The following PDZD2 variants were observed in gnomAD, a reference collection of about 807,000 sequenced individuals.
PDZD2 encodes the protein PDZ domain containing 2, also known as PDZ domain-containing protein 2.
Under a neutral mutation model 220.7 loss-of-function variants are expected in PDZD2, and 90 were observed. The observed-to-expected ratio is 0.41, with a 90% CI of 0.34 to 0.49. PDZD2 has a LOEUF of 0.49. Among genes scored for constraint, PDZD2 ranks in the 20% least tolerant of loss-of-function variants. The pLI is 0.28. For missense variants in PDZD2, 3,174 were observed against 3,608.5 expected, an observed-to-expected ratio of 0.88 and a Z score of 3.08; for synonymous variants, 1,375 against 1,450.5, an observed-to-expected ratio of 0.95 and a Z score of 1.18.
intron 2 of PDZD2, among the ~76,000 whole-genome samples, chr5:31,903,386 C>T (rs1029608207): frequency 2.0e-5 from 3 of 151,566 alleles, no homozygotes; most frequent in African/African-American, 7.3e-5. Flanking sequence ...GTGGCTGACA[C>T]CTATAATCCA....
chr5:31,696,945 C>T (rs1447904203), intron 1 of PDZD2, among the ~76,000 whole-genome samples: 1 of 152,152 alleles, frequency 6.6e-6, no homozygotes, highest in East Asian at 1.9e-4. Context: ...ATTGCAGCCT[C>T]CTTGAATCCC....
intron 1 of PDZD2, among the ~76,000 whole-genome samples, chr5:31,682,860 T>A (rs966673413): frequency 6.6e-6 from 1 of 152,050 alleles, no homozygotes; most frequent in Non-Finnish European, 1.5e-5. Context: ...CCCTTTCCCC[T>A]GACTTTCCAG....
intron 1 of PDZD2, chr5:31,754,464 A>G (rs1359806913): frequency 2.0e-5 from 3 of 152,108 alleles, no homozygotes; most frequent in Admixed American, 6.5e-5. Context: ...TAGGGATTCT[A>G]TTGGAAGAGA....
At chr5:31,668,755 T>C (rs1377706387) in intron 1 of PDZD2, among the ~76,000 whole-genome samples, 9 of 152,244 alleles carry the variant, frequency 5.9e-5, no homozygotes, top group Non-Finnish European at 1.5e-5. Context: ...AATGCTTGGT[T>C]ATTTCCAAAG....
At chr5:31,762,007 G>A (rs1473132666) in intron 1 of PDZD2, among the ~76,000 whole-genome samples, 1 of 152,180 alleles carries the variant, frequency 6.6e-6, no homozygotes, top group South Asian at 2.1e-4. Flanking sequence ...GCTAATGCAG[G>A]AGGAAGGGTG....
chr5:31,702,015 G>A (rs1747631416), intron 1 of PDZD2, among the ~76,000 whole-genome samples: 1 of 152,210 alleles, frequency 6.6e-6, no homozygotes, highest in South Asian at 2.1e-4. Flanking sequence ...GCAGCCACAT[G>A]GCCTGTGTTC....
intron 1 of PDZD2, among the ~76,000 whole-genome samples, chr5:31,669,010 C>T (rs1746106732): frequency 6.6e-6 from 1 of 152,036 alleles, no homozygotes. Flanking sequence ...GGGTTCTCTG[C>T]GATGGGTGAC....
intron 1 of PDZD2, among the ~76,000 whole-genome samples, chr5:31,776,243 A>G (rs919511196): frequency 6.6e-6 from 1 of 152,016 alleles, no homozygotes. Context: ...AGTGGTCACC[A>G]AGACCAGTTA....
intron 7 of PDZD2, among the ~76,000 whole-genome samples, chr5:32,041,193 C>T (rs1285510693): frequency 2.1e-5 from 3 of 141,192 alleles, no homozygotes; most frequent in South Asian, 2.3e-4. Flanking sequence ...CGCCTCTGCC[C>T]GGCCGCCCCG....
Position 32,048,612 on chromosome 5 carries a change from G to T in PDZD2, c.1593G>T (p.Arg531=), listed in dbSNP as rs762033628. The T allele has an allele frequency of 6.2e-7, 1 of 1,614,028 alleles. No individual in the cohort carries two copies. The change falls in exon 8 of 25, where the codon CGG becomes CGT. Residue 531 remains arginine, a synonymous_variant. Transcript: ENST00000438447. ...LMVRNGDPRI[R]MLEVSRDGRK... Reference sequence around the variant, plus strand: ...TGCGGAATGGGGACCCCCGGATCCGGATGTTGGAGGTCTCCCGAGATGGCC... The same window carrying T: ...TGCGGAATGGGGACCCCCGGATCCGTATGTTGGAGGTCTCCCGAGATGGCC...
intron 1 of PDZD2, among the ~76,000 whole-genome samples, chr5:31,774,861 G>T (rs533946512): frequency 6.6e-6 from 1 of 152,292 alleles, no homozygotes; most frequent in East Asian, 1.9e-4. Flanking sequence ...CTTTAAAAAT[G>T]GAAAGGGATC....
chr5:31,982,082 G>A (rs1242861043), intron 2 of PDZD2, among the ~76,000 whole-genome samples: 3 of 152,132 alleles, frequency 2.0e-5, no homozygotes, highest in Non-Finnish European at 4.4e-5. Context: ...TCCTCCGACT[G>A]TTCCTGGTTG....
rs1017091645 is a variant in PDZD2 at position 31,887,676 on chromosome 5, A to G, written c.476+87952A>G. Among the ~76,000 whole-genome samples the G allele has an allele frequency of 3.9e-5, 6 of 152,202 alleles. No homozygotes were observed. In the East Asian group the frequency reaches 5.8e-4, roughly 15 times the overall value. ...CTGATTTTTCTGTAGGAATCTGACA[A>G]AATTTCGCATAGCTGTACAGAGAAC... On this transcript the variant is annotated intron_variant, in intron 2 of 24. Coordinates refer to ENST00000438447, the MANE Select transcript of PDZD2 (RefSeq NM_178140.4).
At chr5:31,978,714 CA>C (rs10632600) in intron 2 of PDZD2, among the ~76,000 whole-genome samples, 30,758 of 127,854 alleles carry the variant, frequency 0.24, 4,454 homozygotes, top group Non-Finnish European at 0.32. Flanking sequence ...GACTCCATCT[CA>C]AAAAAAAAAA....
chr5:32,002,724 C>T (rs1338602359), intron 5 of PDZD2, among the ~76,000 whole-genome samples: 2 of 104,468 alleles, frequency 1.9e-5, no homozygotes, highest in African/African-American at 7.6e-5. Context: ...CCCCACACAC[C>T]AACACACACA....
chr5:31,722,526 C>A (rs932701289), intron 1 of PDZD2, among the ~76,000 whole-genome samples: 6 of 152,010 alleles, frequency 3.9e-5, no homozygotes, highest in African/African-American at 1.5e-4. Flanking sequence ...TTGTTTTGAT[C>A]CAAACATTGA....
At chr5:32,093,570 C>T (rs780771738) in intron 21 of PDZD2, among the ~76,000 whole-genome samples, 22 of 152,126 alleles carry the variant, frequency 1.4e-4, no homozygotes, top group African/African-American at 4.8e-4. Flanking sequence ...TACTGTTGAC[C>T]GGAAACCTTA....
intron 10 of PDZD2, among the ~76,000 whole-genome samples, chr5:32,054,590 G>A (rs2112315964): frequency 6.6e-6 from 1 of 152,074 alleles, no homozygotes; most frequent in East Asian, 1.9e-4. Context: ...CTCACAAAGT[G>A]CTAGGATTAC....
intron 15 of PDZD2, among the ~76,000 whole-genome samples, chr5:32,070,062 G>A (rs1045967467): frequency 6.6e-6 from 1 of 152,162 alleles, no homozygotes; most frequent in Non-Finnish European, 1.5e-5. Flanking sequence ...AAGGGTAATA[G>A]AGGTAGCAAA....
Sources: gnomAD v4.1 joint callset for allele counts (sites outside exome capture counted in the v4.1 genomes callset) on GRCh38, gnomAD v4.1.1 for gene constraint, MANE v1.5 for transcripts, NCBI Gene and HGNC (gene_info 2026-07-23, HGNC 2026-07-21) for gene names.